Variants in PRKAG2 observed in about 807,000 individuals in gnomAD.
PRKAG2 encodes the protein protein kinase AMP-activated non-catalytic subunit gamma 2.
Under a neutral mutation model 69.6 loss-of-function variants are expected in PRKAG2, and 26 were observed. That is an observed-to-expected ratio of 0.37 (90% confidence interval 0.27 to 0.52). The LOEUF is 0.52. Ranked by LOEUF, PRKAG2 falls within the 20% of genes least tolerant of loss-of-function variation. The pLI, the probability that PRKAG2 is intolerant of heterozygous loss-of-function variation, is 0.90. For missense variants in PRKAG2, 557 were observed against 740.0 expected, an observed-to-expected ratio of 0.75 and a Z score of 2.87; for synonymous variants, 293 against 285.0, an observed-to-expected ratio of 1.03 and a Z score of -0.28.
chr7:151,626,478 T>C (rs1015765599), intron 5 of PRKAG2, among the ~76,000 whole-genome samples: 1 of 152,218 alleles, frequency 6.6e-6, no homozygotes, highest in African/African-American at 2.4e-5. Context: ...AAGTCTCTTA[T>C]CTACGAGGAG....
intron 1 of PRKAG2, among the ~76,000 whole-genome samples, chr7:151,816,866 C>T (rs2078656912): frequency 6.6e-6 from 1 of 152,128 alleles, no homozygotes. Flanking sequence ...AATTGGTTTT[C>T]CTTGGAAAAG....
chr7:151,648,473 G>A (rs1827926567), intron 4 of PRKAG2, among the ~76,000 whole-genome samples: 1 of 152,144 alleles, frequency 6.6e-6, no homozygotes, highest in South Asian at 2.1e-4. Flanking sequence ...TGGGGCACCC[G>A]GGAAAAGCAC....
intron 2 of PRKAG2, among the ~76,000 whole-genome samples, chr7:151,785,065 G>A (rs1169452718): frequency 6.6e-6 from 1 of 152,274 alleles, no homozygotes; most frequent in Non-Finnish European, 1.5e-5. Context: ...TGATATGTTG[G>A]TGAATGCAAC....
chr7:151,822,405 G>A (rs530989879), intron 1 of PRKAG2, among the ~76,000 whole-genome samples: 10 of 152,328 alleles, frequency 6.6e-5, no homozygotes, highest in South Asian at 2.1e-4. Context: ...TGTACCCAGC[G>A]CTGCCTGGGT....
intron 13 of PRKAG2, chr7:151,564,456 C>T (rs572939999): frequency 1.6e-5 from 8 of 502,898 alleles, no homozygotes; most frequent in Admixed American, 3.2e-5. Context: ...ACCTTCCTTA[C>T]GAAGCAACAT....
chr7:151,806,974 T>A (rs2078141308), intron 1 of PRKAG2: 1 of 455,672 alleles, frequency 2.2e-6, no homozygotes, highest in Non-Finnish European at 4.4e-6. Flanking sequence ...CCTAATGTAC[T>A]CATTTAAACA....
At chr7:151,806,944 G>GA (rs757974120) in intron 1 of PRKAG2, 1,276 of 386,788 alleles carry the variant, frequency 3.3e-3, no homozygotes, top group Admixed American at 6.0e-3. Flanking sequence ...CCAGCCTGGG[G>GA]AAAAAAAAAA....
chr7:151,793,455 G>T (rs911291476), intron 1 of PRKAG2, among the ~76,000 whole-genome samples: 1 of 152,212 alleles, frequency 6.6e-6, no homozygotes, highest in African/African-American at 2.4e-5. Context: ...TAAGGGCCTG[G>T]GCTGTGGGAT....
chr7:151,798,961 C>T (rs775773164), intron 1 of PRKAG2, among the ~76,000 whole-genome samples: 11 of 152,174 alleles, frequency 7.2e-5, no homozygotes, highest in Admixed American at 1.3e-4. Flanking sequence ...TGCAGGGTAG[C>T]TTGGCCTCAT....
chr7:151,795,835 CA>C (rs1161307265), intron 1 of PRKAG2, among the ~76,000 whole-genome samples: 1 of 113,550 alleles, frequency 8.8e-6, no homozygotes, highest in Non-Finnish European at 1.7e-5. Flanking sequence ...TCAATTCTTT[CA>C]AACAAATCTC....
chr7:151,659,401 T>C (rs1037521793), intron 4 of PRKAG2, among the ~76,000 whole-genome samples: 1 of 152,192 alleles, frequency 6.6e-6, no homozygotes, highest in African/African-American at 2.4e-5. Flanking sequence ...ACAGGGTAAA[T>C]GCTGACGATG....
intron 4 of PRKAG2, among the ~76,000 whole-genome samples, chr7:151,664,856 A>G (rs1830808522): frequency 6.6e-6 from 1 of 152,218 alleles, no homozygotes; most frequent in African/African-American, 2.4e-5. Context: ...CTAGGATGGA[A>G]AAATTCAATA....
intron 3 of PRKAG2, among the ~76,000 whole-genome samples, chr7:151,741,907 C>A (rs911532222): frequency 6.6e-6 from 1 of 152,146 alleles, no homozygotes; most frequent in Non-Finnish European, 1.5e-5. Flanking sequence ...CTCTAAGAAC[C>A]ATATTTTATT....
chr7:151,685,726 G>A (rs914142070), intron 3 of PRKAG2, among the ~76,000 whole-genome samples: 5 of 151,222 alleles, frequency 3.3e-5, no homozygotes, highest in African/African-American at 4.9e-5. Context: ...CCACAACTGC[G>A]CCGCTGGACT....
rs556234067 is a variant in PRKAG2, at chr7:151,776,923, GCTT to G, written c.466+4226_466+4228del. On this transcript the variant is annotated intron_variant, in intron 3 of 15. Coordinates refer to ENST00000287878, the MANE Select transcript of PRKAG2 (RefSeq NM_016203.4). ...GATGATCAGGGGCCTCACAGTCTCT[GCTT>G]CTGAGCCCCAGCCTCATCCCCAGGA... Among the ~76,000 whole-genome samples, 37 of 152,266 alleles carry G rather than the reference GCTT, an allele frequency of 2.4e-4. No individual in the cohort carries two copies. The East Asian group carries it at 7.2e-3, about 29-fold the overall frequency.
chr7:151,781,955 T>G lies in PRKAG2; in HGVS notation c.187-524A>C, dbSNP rs2076692110. Among the ~76,000 whole-genome samples, 1 of 151,952 alleles carries G rather than the reference T, an allele frequency of 6.6e-6. No individual in the cohort carries two copies. Among genetic ancestry groups the G allele is most frequent in the South Asian group, 2.1e-4 (1 of 4,826 alleles). Reference sequence around the variant, plus strand: ...GCTTCAGCATTTGAAAGACTGAGGTTGCCAACAGAAGTCAGGAGAAAAGTT... The same window carrying G: ...GCTTCAGCATTTGAAAGACTGAGGTGGCCAACAGAAGTCAGGAGAAAAGTT... On this transcript the variant is annotated intron_variant, in intron 2 of 15. Coordinates refer to ENST00000287878, the MANE Select transcript of PRKAG2 (RefSeq NM_016203.4). The surrounding 1 kb of genome is among the most constrained non-coding windows in gnomAD (Gnocchi z 6.1).
At chr7:151,646,594 C>T (rs1164297018) in intron 4 of PRKAG2, among the ~76,000 whole-genome samples, 1 of 152,136 alleles carries the variant, frequency 6.6e-6, no homozygotes, top group African/African-American at 2.4e-5. Context: ...TAGGATTTTT[C>T]TGCATAAGTA....
intron 3 of PRKAG2, among the ~76,000 whole-genome samples, chr7:151,715,322 C>CGAA (rs1795994737): frequency 6.4e-5 from 4 of 62,458 alleles, no homozygotes; most frequent in Non-Finnish European, 8.6e-5. Context: ...GGCCTAAAAG[C>CGAA]AAAAAAAAAA....
rs144887390 is a variant in PRKAG2, at chr7:151,580,336, G to T, written c.865-3884C>A. 7.4e-3 allele frequency among the ~76,000 whole-genome samples: 1,119 copies of T among 152,130 alleles called. 9 individuals are homozygous for T. The highest frequency in any genetic ancestry group is 0.011 in the Non-Finnish European group (731 of 68,002). ...TACTCCAGCCTGGGTGACAGAGTGA[G>T]ACTCCATCTCAAAAAAAATAAAAAA... On this transcript the variant is annotated intron_variant, in intron 6 of 15. Transcript: ENST00000287878.
Sources: gnomAD v4.1 joint callset for allele counts (sites outside exome capture counted in the v4.1 genomes callset) on GRCh38, gnomAD v4.1.1 for gene constraint, Gnocchi (gnomAD v3.1) non-coding constraint, MANE v1.5 for transcripts, NCBI Gene and HGNC (gene_info 2026-07-23, HGNC 2026-07-21) for gene names.